Variants in IK observed in about 807,000 individuals in gnomAD.
IK encodes the protein IK cytokine, also known as protein Red.
IK carries 47 observed loss-of-function variants against 90.9 expected under a neutral mutation model. The observed-to-expected ratio is 0.52, with a 90% confidence interval of 0.41 to 0.66. IK has a LOEUF of 0.66. Among genes scored for constraint, IK ranks in the 30% least tolerant of loss-of-function variants. The pLI is 0.00. For missense variants in IK, 385 were observed against 709.3 expected, an observed-to-expected ratio of 0.54 and a Z score of 5.19; for synonymous variants, 201 against 227.5, an observed-to-expected ratio of 0.88 and a Z score of 1.05.
intron 9 of IK, among the ~76,000 whole-genome samples, chr5:140,656,821 A>G (rs1013554842): frequency 9.9e-5 from 15 of 152,220 alleles, no homozygotes; most frequent in Admixed American, 4.6e-4. Context: ...ATTACTGCCT[A>G]TAGTCACCCT....
chr5:140,653,667 C>T (rs1435908795), intron 5 of IK, among the ~76,000 whole-genome samples: 6 of 140,974 alleles, frequency 4.3e-5, no homozygotes, highest in East Asian at 4.4e-4. Context: ...TGCAGTAGCG[C>T]GATCTCAGCT....
chr5:140,651,415 G>A (rs1251972379), intron 2 of IK, among the ~76,000 whole-genome samples: 2 of 148,776 alleles, frequency 1.3e-5, no homozygotes, highest in Non-Finnish European at 3.0e-5. Context: ...CTCCAGCCGG[G>A]GCAACAGAGG....
chr5:140,648,402 A>G (rs1172741412), intron 1 of IK, 69 bp from the exon 2 acceptor site: 59 of 1,382,918 alleles, frequency 4.3e-5, no homozygotes, highest in East Asian at 6.8e-5. Flanking sequence ...TCACTACTAT[A>G]TCTCAAATTT....
rs566307601 is a variant in IK, at chr5:140,652,840, G to A, written c.237-137G>A. ...TTGAGTAACTACGAAGAGGTGGCCAGCAGTTCTATCAGGACAGACATGAGC... is the reference window on the plus strand; with the variant it reads ...TTGAGTAACTACGAAGAGGTGGCCAACAGTTCTATCAGGACAGACATGAGC... On this transcript the variant is annotated intron_variant, in intron 4 of 19. Coordinates refer to ENST00000417647, the MANE Select transcript of IK (RefSeq NM_006083.4). 7.8e-5 allele frequency: 54 copies of A among 694,580 alleles called. No individual in the cohort carries two copies. In the African/African-American group the frequency reaches 8.3e-4, roughly 11 times the overall value. 43.0% of individuals were successfully genotyped at this position (694,580 alleles called of 1,614,324 possible).
At position 140,654,714 on chromosome 5, in the gene IK, T is replaced by A; in HGVS notation, c.624T>A (p.Phe208Leu). ...AGGATCCTGAAAATAAAATTGAATT[T>A]AAAACACGTCTGGGTGAGTACAGTT... is the stretch of plus-strand genomic sequence containing the variant. ...KDEDPENKIEFKTRLGRNVYR... is the reference protein window; with the variant it reads ...KDEDPENKIELKTRLGRNVYR... The change falls in exon 8 of 20, where the codon TTT becomes TTA. Residue 208 changes from phenylalanine (F) to leucine (L), a missense_variant. Phe to Leu is a conservative substitution (Grantham distance 22). Coordinates refer to ENST00000417647, the MANE Select transcript of IK (RefSeq NM_006083.4). 6.2e-7 allele frequency: 1 copy of A among 1,601,686 alleles called. No individual in the cohort carries two copies.
rs753956864 is a variant in IK, at chr5:140,658,779, A to G, written c.950+3A>G. The stretch of plus-strand genomic sequence containing the variant: ...AAACCTCCTGAGGCTGACATGAAGT[A>G]TGTATCCTAGCCCCTGGCATCTGAT... On this transcript the variant is annotated splice_donor_region_variant and intron_variant, in intron 11 of 19. Coordinates refer to ENST00000417647, the MANE Select transcript of IK (RefSeq NM_006083.4). 1.2e-6 allele frequency: 2 copies of G among 1,611,298 alleles called. No individual in the cohort carries two copies. The highest frequency in any genetic ancestry group is 4.5e-5 in the East Asian group (2 of 44,840).
At chr5:140,660,491 T>A in intron 15 of IK, 1 of 541,456 alleles carries the variant, frequency 1.8e-6, no homozygotes, top group Non-Finnish European at 3.3e-6. Flanking sequence ...AGAGATGAGG[T>A]TTCACCATGT....
At chr5:140,653,197 A>G (rs998848383) in intron 5 of IK, 53 bp downstream of exon 5, 22 of 1,501,312 alleles carry the variant, frequency 1.5e-5, no homozygotes, top group Middle Eastern at 1.7e-4. Context: ...GAGTCATGCA[A>G]ATACAATGTG....
chr5:140,651,614 G>C (rs543050074), intron 2 of IK, 100 bp from the exon 3 acceptor site: 1 of 643,094 alleles, frequency 1.6e-6, no homozygotes, highest in African/African-American at 1.9e-5. Flanking sequence ...GTTTTAATTT[G>C]TATTTCCCTG....
At chr5:140,654,135 C>T in intron 6 of IK, 83 bp downstream of exon 6, 1 of 783,200 alleles carries the variant, frequency 1.3e-6, no homozygotes, top group Non-Finnish European at 2.2e-6. Flanking sequence ...GAGGGAGATT[C>T]CTGAGAGTTC....
rs1320181153 is a variant in IK at position 140,653,965 on chromosome 5, A to G, written c.432A>G (p.Arg144=). 2 of 1,611,100 alleles carry G rather than the reference A, an allele frequency of 1.2e-6. No homozygotes were observed. The highest frequency in any genetic ancestry group is 2.2e-5 in the East Asian group (1 of 44,882). The change falls in exon 6 of 20, where the codon AGA becomes AGG. Residue 144 remains arginine, a synonymous_variant. Transcript: ENST00000417647. ...EADKSAAEKR[R]QLIQESKFLG... is the part of the protein sequence containing the mutation. The stretch of plus-strand genomic sequence containing the variant: ...ACAAATCAGCTGCAGAGAAGAGAAG[A>G]CAGTTGATCCAGGAGTCCAAATTCT...
chr5:140,660,292 C>CCTTTTTTTTT (rs1757781333), intron 15 of IK, 97 bp downstream of exon 15: 8 of 283,162 alleles, frequency 2.8e-5, no homozygotes, highest in Admixed American at 1.1e-4. Flanking sequence ...AGGGCTACTT[C>CCTTTTTTTTT]TTTTTTTTTT....
chr5:140,651,971 T>C (rs1757623182), intron 3 of IK, 117 bp from the exon 4 acceptor site: 1 of 887,954 alleles, frequency 1.1e-6, no homozygotes. Flanking sequence ...TCTGCTTGAT[T>C]GAAAGTGTTA....
rs142373015 is a variant in IK, at chr5:140,648,236, T to C, written c.17-235T>C. The C allele has an allele frequency of 9.8e-5, 69 of 704,354 alleles. No homozygotes were observed. The African/African-American group carries it at 1.0e-3, about 11-fold the overall frequency. 43.6% of individuals were successfully genotyped at this position (704,354 alleles called of 1,614,324 possible). A position where few individuals can be genotyped will look rare whatever the true frequency, so the allele number is the denominator to read the frequency against. On this transcript the variant is annotated intron_variant, in intron 1 of 19. Transcript: ENST00000417647. ...TTGCGCGTATTTATCTTTTACGTAG[T>C]ATTTTAGACGTGATCTTCCGGAAGT...
intron 15 of IK, 63 bp from the exon 16 acceptor site, chr5:140,660,695 G>A: frequency 7.5e-7 from 1 of 1,328,432 alleles, no homozygotes; most frequent in Non-Finnish European, 1.1e-6. Flanking sequence ...TAGTCGGGTA[G>A]GTTTCCAGAT....
chr5:140,648,741 G>GTT (rs56094200), intron 2 of IK: 7,637 of 457,962 alleles, frequency 0.017, no homozygotes, highest in South Asian at 0.025. Flanking sequence ...AAGGTGTTAA[G>GTT]TTTTTTTTTT....
At position 140,647,838 on chromosome 5, in the gene IK, G is replaced by T. The variant is rs368962559; in HGVS notation, c.-71G>T. 1.9e-6 allele frequency: 3 copies of T among 1,589,480 alleles called. No individual in the cohort carries two copies. The highest frequency in any genetic ancestry group is 1.7e-6 in the Non-Finnish European group (2 of 1,157,600). On this transcript the variant is annotated 5_prime_UTR_variant, in exon 1 of 20. Coordinates refer to ENST00000417647, the MANE Select transcript of IK (RefSeq NM_006083.4). ...GGGTTGATTCTGAGGTGCACTGTGG[G>T]AAAGAGCTTGTCGCTGCGGTGTTGC...
At chr5:140,660,289 C>CTTATTTTTTTTTTT in intron 15 of IK, 94 bp downstream of exon 15, 1 of 282,650 alleles carries the variant, frequency 3.5e-6, no homozygotes. Flanking sequence ...CCCAGGGCTA[C>CTTATTTTTTTTTTT]TTCTTTTTTT....
intron 14 of IK, 47 bp from the exon 15 acceptor site, chr5:140,660,068 C>T (rs775766599): frequency 1.9e-6 from 3 of 1,543,284 alleles, no homozygotes; most frequent in African/African-American, 1.4e-5. Flanking sequence ...TGAAGCTTTA[C>T]AGCAATAGGT....
Sources: allele counts gnomAD v4.1 joint callset (sites outside exome capture counted in the v4.1 genomes callset), GRCh38; gene constraint gnomAD v4.1.1; transcripts MANE v1.5; gene names NCBI Gene and HGNC (gene_info 2026-07-23, HGNC 2026-07-21).